ENTREP2: variants seen among roughly 807,000 people sequenced by gnomAD.
The protein encoded by ENTREP2 is protein ENTREP2.
At chr15:29,358,255 A>G in the ENTREP2 span, among the ~76,000 whole-genome samples, 115 of 152,352 alleles carry the variant, frequency 7.5e-4, no homozygotes, top group African/African-American at 2.6e-3. Context: ...AACAATCAAA[A>G]TAATTGATGT....
At chr15:29,634,508 T>C in the ENTREP2 span, among the ~76,000 whole-genome samples, 1 of 152,164 alleles carries the variant, frequency 6.6e-6, no homozygotes, top group Non-Finnish European at 1.5e-5. Context: ...ACAGAAGACT[T>C]CTATGGCCAA....
the ENTREP2 span, among the ~76,000 whole-genome samples, chr15:29,440,031 G>A: frequency 6.6e-6 from 1 of 152,112 alleles, no homozygotes; most frequent in African/African-American, 2.4e-5. Flanking sequence ...CAAATTGAGG[G>A]ATATTCTACA....
chr15:29,663,417 TG>T, the ENTREP2 span, among the ~76,000 whole-genome samples: 6 of 152,162 alleles, frequency 3.9e-5, no homozygotes, highest in Non-Finnish European at 8.8e-5. Flanking sequence ...TGCACATGTA[TG>T]TTTATTGCAG....
At chr15:29,630,539 C>T in the ENTREP2 span, among the ~76,000 whole-genome samples, 1 of 152,256 alleles carries the variant, frequency 6.6e-6, no homozygotes, top group South Asian at 2.1e-4. Context: ...GGGGAATTTT[C>T]AGCCATTATT....
chr15:29,207,749 C>T, the ENTREP2 span, among the ~76,000 whole-genome samples: 1 of 152,206 alleles, frequency 6.6e-6, no homozygotes, highest in East Asian at 1.9e-4. Context: ...CCTCTCTCTT[C>T]CTTACTCCAG....
chr15:29,663,035 G>A, the ENTREP2 span, among the ~76,000 whole-genome samples: 6 of 151,948 alleles, frequency 3.9e-5, no homozygotes, highest in South Asian at 2.1e-4. Context: ...TGATTCTAAC[G>A]GTTGCCCGGA....
chr15:29,264,237 C>T, the ENTREP2 span, among the ~76,000 whole-genome samples: 43 of 151,376 alleles, frequency 2.8e-4, no homozygotes, highest in East Asian at 8.2e-3. Flanking sequence ...GTTAAAGATG[C>T]AAAAGCCAGC....
chr15:29,569,004 T>C, the ENTREP2 span, among the ~76,000 whole-genome samples: 1 of 152,292 alleles, frequency 6.6e-6, no homozygotes, highest in African/African-American at 2.4e-5. Context: ...TTCACCAGTC[T>C]GCCACCTGTA....
At chr15:29,291,070 T>C in the ENTREP2 span, among the ~76,000 whole-genome samples, 1 of 152,220 alleles carries the variant, frequency 6.6e-6, no homozygotes, top group Non-Finnish European at 1.5e-5. Context: ...GTGCTCACCA[T>C]CAGGTGCCTC....
At chr15:29,554,903 A>C in the ENTREP2 span, among the ~76,000 whole-genome samples, 1 of 152,246 alleles carries the variant, frequency 6.6e-6, no homozygotes, top group South Asian at 2.1e-4. Flanking sequence ...ACACGTTAGC[A>C]ATACTTCCAA....
chr15:29,268,856 C>G, the ENTREP2 span: 2 of 1,614,176 alleles, frequency 1.2e-6, no homozygotes, highest in Non-Finnish European at 1.7e-6. Context: ...GCCAAAGCCT[C>G]ACAGTACTGC....
the ENTREP2 span, among the ~76,000 whole-genome samples, chr15:29,171,395 C>T: frequency 1.3e-5 from 2 of 152,166 alleles, no homozygotes; most frequent in South Asian, 4.2e-4. Context: ...GACAGAGCCA[C>T]CCTCACTCAC....
the ENTREP2 span, among the ~76,000 whole-genome samples, chr15:29,666,656 G>A: frequency 2.9e-4 from 44 of 152,258 alleles, no homozygotes; most frequent in African/African-American, 9.4e-4. Context: ...TCTTGGGCCT[G>A]CCAGGCCAGT....
the ENTREP2 span, among the ~76,000 whole-genome samples, chr15:29,666,990 C>T: frequency 1.3e-5 from 2 of 152,126 alleles, no homozygotes; most frequent in Admixed American, 1.3e-4. Flanking sequence ...ATCTCTGCCT[C>T]CATTGTCACC....
the ENTREP2 span, among the ~76,000 whole-genome samples, chr15:29,641,046 C>T: frequency 0.046 from 7,059 of 152,200 alleles, 187 homozygotes; most frequent in South Asian, 0.065. Context: ...TTTTAATACA[C>T]CATGCCTTTA....
At chr15:29,193,498 G>T in the ENTREP2 span, among the ~76,000 whole-genome samples, 1 of 152,326 alleles carries the variant, frequency 6.6e-6, no homozygotes, top group Non-Finnish European at 1.5e-5. Context: ...GCCTTGGACT[G>T]AGAGTTCCAC....
At chr15:29,661,998 G>T in the ENTREP2 span, among the ~76,000 whole-genome samples, 1 of 151,874 alleles carries the variant, frequency 6.6e-6, no homozygotes, top group African/African-American at 2.4e-5. Context: ...ATCACTTGAG[G>T]CCAGGAGTTC....
chr15:29,377,498 CAG>C, the ENTREP2 span, among the ~76,000 whole-genome samples: 1 of 152,104 alleles, frequency 6.6e-6, no homozygotes, highest in East Asian at 1.9e-4. Context: ...TGGCTCAAGG[CAG>C]AGAGAAGACA....
At chr15:29,584,396 T>C in the ENTREP2 span, among the ~76,000 whole-genome samples, 131,825 of 152,168 alleles carry the variant, frequency 0.87, 57,274 homozygotes, top group East Asian at 1. Flanking sequence ...ATCAACCTAA[T>C]CATCCATTGA....
Sources: gnomAD v4.1 joint callset for allele counts (sites outside exome capture counted in the v4.1 genomes callset) on GRCh38, gnomAD v4.1.1 for gene constraint, MANE v1.5 for transcripts, NCBI Gene and HGNC (gene_info 2026-07-23, HGNC 2026-07-21) for gene names.